DLC1: variants seen among roughly 807,000 people sequenced by gnomAD.
DLC1 encodes the protein rho GTPase-activating protein 7.
A neutral mutation model predicts 140.3 loss-of-function variants in DLC1; 54 were observed. That is an observed-to-expected ratio of 0.38 (90% CI 0.31 to 0.48). The LOEUF (loss-of-function observed/expected upper bound fraction) is 0.48. Among genes scored for constraint, DLC1 ranks in the 20% least tolerant of loss-of-function variants. The pLI is 0.96. For synonymous variants in DLC1, 986 were observed against 728.1 expected, an observed-to-expected ratio of 1.35 and a Z score of -5.70; for missense variants, 2,536 against 1,907.0, an observed-to-expected ratio of 1.33 and a Z score of -6.14.
intron 2 of DLC1, among the ~76,000 whole-genome samples, chr8:13,432,014 G>T (rs1456402628): frequency 1.3e-5 from 2 of 152,140 alleles, no homozygotes; most frequent in Non-Finnish European, 2.9e-5. Flanking sequence ...CATGCCAGTG[G>T]TTTTCTGCTT....
intron 16 of DLC1, among the ~76,000 whole-genome samples, chr8:13,087,305 G>T (rs1057432539): frequency 1.3e-5 from 2 of 152,198 alleles, no homozygotes; most frequent in South Asian, 2.1e-4. Context: ...GGGAGGCTGA[G>T]GGGGGAGGAT....
At chr8:13,230,178 T>C (rs1828981673) in intron 5 of DLC1, among the ~76,000 whole-genome samples, 1 of 152,218 alleles carries the variant, frequency 6.6e-6, no homozygotes, top group Non-Finnish European at 1.5e-5. Flanking sequence ...GTTTTCCTAA[T>C]ACTAGCCAAT....
chr8:13,403,848 A>G (rs1175404244), intron 2 of DLC1, among the ~76,000 whole-genome samples: 2 of 136,224 alleles, frequency 1.5e-5, no homozygotes, highest in South Asian at 4.7e-4. Context: ...TTGTAGAGAC[A>G]GAATTTTGCC....
chr8:13,123,537 A>G (rs182406183), intron 5 of DLC1, among the ~76,000 whole-genome samples: 30 of 147,360 alleles, frequency 2.0e-4, no homozygotes, highest in Middle Eastern at 3.5e-3. Flanking sequence ...AAGTAAACAC[A>G]TGGTTTCACC....
At chr8:13,154,377 C>A (rs957219780) in intron 5 of DLC1, among the ~76,000 whole-genome samples, 4 of 152,236 alleles carry the variant, frequency 2.6e-5, no homozygotes, top group African/African-American at 9.6e-5. Flanking sequence ...AGAATTGGAG[C>A]ATGGCGCCTG....
At chr8:13,224,731 C>T (rs1828709889) in intron 5 of DLC1, among the ~76,000 whole-genome samples, 1 of 152,146 alleles carries the variant, frequency 6.6e-6, no homozygotes, top group Admixed American at 6.5e-5. Context: ...GGACAGTGTG[C>T]ACAGGAAGGG....
chr8:13,518,037 T>G (rs1327333364), upstream of DLC1, among the ~76,000 whole-genome samples: 2 of 152,202 alleles, frequency 1.3e-5, no homozygotes, highest in Admixed American at 6.5e-5. Context: ...GGAACAATTA[T>G]GTACTCTGTG....
Position 13,086,352 on chromosome 8 carries a change from A to C in DLC1, c.4404T>G (p.Tyr1468Ter). 2 of 1,614,222 alleles carry C rather than the reference A, an allele frequency of 1.2e-6. No homozygotes were observed. Among genetic ancestry groups the C allele is most frequent in the Non-Finnish European group, 1.7e-6 (2 of 1,180,044 alleles). ...TTCCTGGCCCACAGGGTTCAATCAA[A>C]TACCTGGACAAGAGCACATTAACCC... Reference protein sequence around the residue: ...GVRVNVLLSRYLIEPCGPGKS... With the variant: ...GVRVNVLLSR The change falls in exon 17 of 18, where the codon TAT becomes TAG. Residue 1468 changes from tyrosine to a stop codon, truncating the protein, a stop_gained. Transcript: ENST00000276297. LOFTEE classifies it high-confidence loss of function.
intron 5 of DLC1, chr8:13,276,484 C>G (rs1201217016): frequency 7.5e-7 from 1 of 1,331,546 alleles, no homozygotes; most frequent in East Asian, 3.1e-5. Flanking sequence ...CGGCCGCAGG[C>G]TGTCGCCTGC....
At chr8:13,111,540 A>G (rs989573372) in intron 6 of DLC1, among the ~76,000 whole-genome samples, 2 of 152,196 alleles carry the variant, frequency 1.3e-5, no homozygotes, top group Admixed American at 6.5e-5. Context: ...GAGGGGGAAA[A>G]CAGTCGACTC....
rs1805363832 is a variant in DLC1, at chr8:13,587,455, C to T, written c.-126+17082G>A. 3.3e-5 allele frequency among the ~76,000 whole-genome samples: 5 copies of T among 151,678 alleles called. No homozygotes were observed. The South Asian group carries it at 1.0e-3, about 31-fold the overall frequency. ...AGACATGCATTACATGTACGATTCT[C>T]TTTTTGTTTGAAGAGCTTTATAGAA... On this transcript the variant is annotated intron_variant, in intron 1 of 1. Transcript: ENST00000631382.
At chr8:13,572,100 T>TC (rs200170550) in intron 1 of DLC1, among the ~76,000 whole-genome samples, 1 of 149,896 alleles carries the variant, frequency 6.7e-6, no homozygotes, top group African/African-American at 2.4e-5. Flanking sequence ...TATTTATTTT[T>TC]TTTTTTTGAG....
chr8:13,593,241 G>C (rs1434064168), intron 1 of DLC1, among the ~76,000 whole-genome samples: 1 of 152,016 alleles, frequency 6.6e-6, no homozygotes, highest in East Asian at 1.9e-4. Context: ...GGATCCTTTG[G>C]TTTCTTTATC....
chr8:13,603,048 T>A (rs1029418514), intron 1 of DLC1, among the ~76,000 whole-genome samples: 6 of 151,906 alleles, frequency 3.9e-5, no homozygotes, highest in African/African-American at 1.4e-4. Flanking sequence ...CAACTGTTGA[T>A]ATGACAAAAA....
At chr8:13,223,214 G>T (rs1188300) in intron 5 of DLC1, among the ~76,000 whole-genome samples, 1 of 151,906 alleles carries the variant, frequency 6.6e-6, no homozygotes, top group Non-Finnish European at 1.5e-5. Flanking sequence ...AAATCCTGTC[G>T]TAGAGAGCAG....
intron 5 of DLC1, among the ~76,000 whole-genome samples, chr8:13,155,227 T>A (rs1020728976): frequency 6.6e-6 from 1 of 152,122 alleles, no homozygotes; most frequent in East Asian, 1.9e-4. Context: ...TATGGCTATA[T>A]CCTAATTATT....
intron 2 of DLC1, among the ~76,000 whole-genome samples, chr8:13,437,849 A>T (rs1046872348): frequency 4.6e-5 from 7 of 152,126 alleles, no homozygotes. Context: ...AGATCTCTAA[A>T]GGCCATTTGA....
intron 4 of DLC1, among the ~76,000 whole-genome samples, chr8:13,388,106 C>A (rs1038506645): frequency 6.6e-6 from 1 of 151,844 alleles, no homozygotes; most frequent in African/African-American, 2.4e-5. Flanking sequence ...TTAATAAATT[C>A]CAGAATAAGA....
At chr8:13,396,607 A>G (rs1470748962) in intron 3 of DLC1, among the ~76,000 whole-genome samples, 6 of 152,176 alleles carry the variant, frequency 3.9e-5, no homozygotes, top group Non-Finnish European at 7.3e-5. Flanking sequence ...TAACTTGACC[A>G]AAGTCGTATC....
Sources: allele counts gnomAD v4.1 joint callset (sites outside exome capture counted in the v4.1 genomes callset), GRCh38; gene constraint gnomAD v4.1.1; transcripts MANE v1.5; gene names NCBI Gene and HGNC (gene_info 2026-07-23, HGNC 2026-07-21).